Variants in ADCY8 observed in about 807,000 individuals in gnomAD.
ADCY8 encodes adenylate cyclase type 8.
A neutral mutation model predicts 119.7 loss-of-function variants in ADCY8; 51 were observed. The ratio of observed to expected loss-of-function variants is 0.43; its 90% CI spans 0.34 to 0.54. The LOEUF (loss-of-function observed/expected upper bound fraction) is 0.54. Among genes scored for constraint, ADCY8 ranks in the 20% least tolerant of loss-of-function variants. The probability of loss-of-function intolerance (pLI) is 0.03; values close to 1 mark genes in which losing one functional copy is unlikely to be tolerated. For missense variants in ADCY8, 1,383 were observed against 1,598.8 expected (o/e 0.87, Z 2.30); for synonymous variants, 665 against 651.0 (o/e 1.02, Z -0.33).
At chr8:130,827,804 A>G (rs1002027455) in intron 12 of ADCY8, among the ~76,000 whole-genome samples, 3 of 152,196 alleles carry the variant, frequency 2.0e-5, no homozygotes, top group Admixed American at 2.0e-4. Context: ...CTCCAACTCT[A>G]TCCTTTCATT....
chr8:130,787,556 CAT>C (rs1197745444), intron 15 of ADCY8, among the ~76,000 whole-genome samples: 1 of 141,960 alleles, frequency 7.0e-6, no homozygotes, highest in African/African-American at 2.5e-5. Flanking sequence ...TGTGGACACA[CAT>C]GTGGGCACAT....
intron 1 of ADCY8, among the ~76,000 whole-genome samples, chr8:131,009,047 G>A (rs4388440): frequency 3.3e-5 from 5 of 152,002 alleles, no homozygotes; most frequent in African/African-American, 7.2e-5. Context: ...AATTTGCAAC[G>A]TGACAATGCA....
At chr8:130,856,489 G>T (rs1817737662) in intron 9 of ADCY8, among the ~76,000 whole-genome samples, 1 of 152,220 alleles carries the variant, frequency 6.6e-6, no homozygotes, top group Non-Finnish European at 1.5e-5. Flanking sequence ...GAGCCCAGCA[G>T]GTTTGGCTGA....
At chr8:130,947,065 A>G (rs564103086) in intron 3 of ADCY8, among the ~76,000 whole-genome samples, 1 of 152,222 alleles carries the variant, frequency 6.6e-6, no homozygotes. Flanking sequence ...GTAGCTTTCC[A>G]GGATGAATAT....
chr8:130,800,245 A>C (rs1395550873), intron 15 of ADCY8, among the ~76,000 whole-genome samples, 181 bp downstream of exon 15: 1 of 152,126 alleles, frequency 6.6e-6, no homozygotes, highest in Non-Finnish European at 1.5e-5. Context: ...GGGAAATAAT[A>C]GCATTTAACT....
chr8:130,992,387 A>ATATATTGAGCAACTG, intron 1 of ADCY8, among the ~76,000 whole-genome samples: 1 of 85,344 alleles, frequency 1.2e-5, no homozygotes, highest in African/African-American at 5.8e-5. Flanking sequence ...TCTGGCATAT[A>ATATATTGAGCAACTG]TATATATATA....
chr8:130,867,383 G>T (rs1818164871), intron 9 of ADCY8, among the ~76,000 whole-genome samples: 1 of 152,118 alleles, frequency 6.6e-6, no homozygotes, highest in African/African-American at 2.4e-5. Context: ...ACCTCATAAG[G>T]TTGTCATGGG....
chr8:130,844,481 T>A (rs921993289), intron 11 of ADCY8, among the ~76,000 whole-genome samples: 1 of 152,142 alleles, frequency 6.6e-6, no homozygotes, highest in African/African-American at 2.4e-5. Context: ...TTATTTCTCA[T>A]AGGGTGAGGC....
At chr8:130,890,356 ATAAAAC>A (rs750601236) in intron 7 of ADCY8, among the ~76,000 whole-genome samples, 3 of 152,172 alleles carry the variant, frequency 2.0e-5, no homozygotes, top group Non-Finnish European at 2.9e-5. Context: ...ATAATAAAAC[ATAAAAC>A]TAAAAATAAA....
intron 1 of ADCY8, among the ~76,000 whole-genome samples, chr8:131,005,856 C>G (rs1586649451): frequency 6.6e-6 from 1 of 152,282 alleles, no homozygotes; most frequent in African/African-American, 2.4e-5. Context: ...TTCATCAAGC[C>G]TTGTGGCTCC....
chr8:130,886,857 G>T (rs1819003277), intron 7 of ADCY8, among the ~76,000 whole-genome samples: 1 of 152,070 alleles, frequency 6.6e-6, no homozygotes, highest in Non-Finnish European at 1.5e-5. Flanking sequence ...AAGACTTTTG[G>T]ATTTCACAGA....
chr8:130,783,634 G>A, intron 17 of ADCY8, 57 bp downstream of exon 17: 1 of 1,264,454 alleles, frequency 7.9e-7, no homozygotes. Flanking sequence ...GCAGGGGAGG[G>A]TCTGTTGGAG....
intron 15 of ADCY8, among the ~76,000 whole-genome samples, chr8:130,786,303 G>A (rs1815246544): frequency 1.3e-5 from 2 of 152,160 alleles, no homozygotes; most frequent in African/African-American, 4.8e-5. Context: ...GTGCTATCCT[G>A]GGACATTTCC....
intron 13 of ADCY8, among the ~76,000 whole-genome samples, chr8:130,815,802 T>C (rs769262037): frequency 3.0e-4 from 46 of 152,350 alleles, no homozygotes; most frequent in African/African-American, 1.7e-4. Flanking sequence ...ATCTCTGAAA[T>C]TGATGTGAAC....
chr8:130,874,113 T>C (rs1818468689), intron 8 of ADCY8, among the ~76,000 whole-genome samples: 1 of 151,850 alleles, frequency 6.6e-6, no homozygotes, highest in Non-Finnish European at 1.5e-5. Context: ...TTCGAGACCA[T>C]CCTGGCCAAC....
chr8:130,826,820 G>A (rs1586454670), intron 12 of ADCY8, among the ~76,000 whole-genome samples: 1 of 151,814 alleles, frequency 6.6e-6, no homozygotes, highest in Non-Finnish European at 1.5e-5. Flanking sequence ...AGGCAGAGGT[G>A]GTATTTGTTG....
intron 15 of ADCY8, among the ~76,000 whole-genome samples, chr8:130,786,469 T>A (rs1815252291): frequency 6.6e-6 from 1 of 152,186 alleles, no homozygotes; most frequent in African/African-American, 2.4e-5. Context: ...TCAGGTTACA[T>A]GACAAAAAGG....
chr8:130,964,217 T>C (rs1465712658), intron 2 of ADCY8, among the ~76,000 whole-genome samples: 1 of 152,236 alleles, frequency 6.6e-6, no homozygotes, highest in Non-Finnish European at 1.5e-5. Context: ...ATCAACTCTC[T>C]GTCTTAATTG....
At chr8:130,794,370 G>A (rs1440895851) in intron 15 of ADCY8, among the ~76,000 whole-genome samples, 2 of 152,068 alleles carry the variant, frequency 1.3e-5, no homozygotes, top group Admixed American at 6.6e-5. Flanking sequence ...TCAGCCTCCC[G>A]AGTAGCTAGG....
Sources: gnomAD v4.1 joint callset for allele counts (sites outside exome capture counted in the v4.1 genomes callset) on GRCh38, gnomAD v4.1.1 for gene constraint, MANE v1.5 for transcripts, NCBI Gene and HGNC (gene_info 2026-07-23, HGNC 2026-07-21) for gene names.